FANK1: variants seen among roughly 807,000 people sequenced by gnomAD.
FANK1 encodes the protein fibronectin type III and ankyrin repeat domains 1, also known as fibronectin type 3 and ankyrin repeat domains protein 1.
A neutral mutation model predicts 45.3 loss-of-function variants in FANK1; 44 were observed. That is an observed-to-expected ratio of 0.97 (90% CI 0.76 to 1.25). FANK1 has a LOEUF of 1.25. Among genes scored for constraint, FANK1 ranks in the 50% most tolerant of loss-of-function variants. The pLI, the probability that FANK1 is intolerant of heterozygous loss-of-function variation, is 0.00. For missense variants in FANK1, 391 were observed against 424.4 expected, an observed-to-expected ratio of 0.92 and a Z score of 0.69; for synonymous variants, 149 against 152.5, an observed-to-expected ratio of 0.98 and a Z score of 0.17.
At chr10:125,931,671 C>T (rs566889297) in intron 1 of FANK1, among the ~76,000 whole-genome samples, 13 of 140,650 alleles carry the variant, frequency 9.2e-5, no homozygotes, top group Admixed American at 6.5e-4. Context: ...TCTATTTACT[C>T]TGCTGACTGT....
At position 125,997,416 on chromosome 10, in the gene FANK1, T is replaced by G; in HGVS notation, c.474-4T>G. ...CTAGCTACACTTAAGTTTGTTTCCT[T>G]TAGGCTTGTGAAAATCCTAGTTTCT... is the stretch of plus-strand genomic sequence containing the variant. On this transcript the variant is annotated splice_polypyrimidine_tract_variant and splice_region_variant and intron_variant, in intron 5 of 10. Transcript: ENST00000368693. 1 of 1,613,764 alleles carries G rather than the reference T, an allele frequency of 6.2e-7. No individual in the cohort carries two copies. Among genetic ancestry groups the G allele is most frequent in the Non-Finnish European group, 8.5e-7 (1 of 1,179,794 alleles).
In FANK1 at chr10:126,008,433, A is replaced by G. The variant is rs747329039; in HGVS notation, c.732A>G (p.Gly244=). The change falls in exon 8 of 11, where the codon GGA becomes GGG. Residue 244 remains glycine (G), a synonymous_variant. Transcript: ENST00000368693. ...TAGACGTCGTGGACACTGGTTCAGG[A>G]TGGACCCCACTCATGAGAGTCTCTG... ...CEVDVVDTGS[G]WTPLMRVSAV... 4.3e-6 allele frequency: 7 copies of G among 1,612,122 alleles called. No homozygotes were observed. In the South Asian group the frequency reaches 6.6e-5, roughly 15 times the overall value.
intron 2 of FANK1, chr10:125,981,024 G>T (rs1387532224): frequency 3.6e-5 from 2 of 56,322 alleles, no homozygotes; most frequent in African/African-American, 1.3e-4. Context: ...TGCTTAGTTT[G>T]TTTACCTTGT....
At chr10:125,903,379 A>T (rs1945209297) in intron 1 of FANK1, among the ~76,000 whole-genome samples, 1 of 152,196 alleles carries the variant, frequency 6.6e-6, no homozygotes, top group South Asian at 2.1e-4. Context: ...TTCTTAAGGG[A>T]GGCTGGAAGA....
chr10:125,937,190 A>G (rs1948160343), intron 1 of FANK1, among the ~76,000 whole-genome samples: 1 of 152,222 alleles, frequency 6.6e-6, no homozygotes, highest in East Asian at 1.9e-4. Flanking sequence ...TATGGTATGT[A>G]TGTGACTGAC....
At chr10:125,897,104 C>G (rs1267451546) in intron 1 of FANK1, among the ~76,000 whole-genome samples, 181 of 149,076 alleles carry the variant, frequency 1.2e-3, no homozygotes, top group African/African-American at 4.2e-3. Context: ...ATTAGAGACC[C>G]CGTCTTACTC....
intron 3 of FANK1, chr10:125,994,527 T>C (rs2134217668): frequency 4.1e-6 from 4 of 985,412 alleles, no homozygotes; most frequent in Non-Finnish European, 4.8e-6. Flanking sequence ...TGGTAGCTGC[T>C]GTACTGTCAC....
At chr10:125,969,005 G>C (rs1216803621) in intron 1 of FANK1, among the ~76,000 whole-genome samples, 18 of 152,092 alleles carry the variant, frequency 1.2e-4, no homozygotes, top group Admixed American at 1.2e-3. Flanking sequence ...ATTTGCATAA[G>C]AACTTTCTTA....
chr10:125,974,545 A>G (rs1950733838), intron 1 of FANK1, among the ~76,000 whole-genome samples: 1 of 152,192 alleles, frequency 6.6e-6, no homozygotes, highest in African/African-American at 2.4e-5. Flanking sequence ...AACATAGAAC[A>G]ATTGCATGCT....
chr10:125,945,774 C>T (rs918672604), intron 1 of FANK1, among the ~76,000 whole-genome samples: 1 of 152,240 alleles, frequency 6.6e-6, no homozygotes, highest in Non-Finnish European at 1.5e-5. Context: ...CTGCCTGCCT[C>T]TGTAGGCTCC....
At position 126,004,948 on chromosome 10, in the gene FANK1, T is replaced by A; in HGVS notation, c.604T>A (p.Ser202Thr). 1 of 1,614,186 alleles carries A rather than the reference T, an allele frequency of 6.2e-7. No individual in the cohort carries two copies. Among genetic ancestry groups the A allele is most frequent in the Non-Finnish European group, 8.5e-7 (1 of 1,180,048 alleles). Residue 202 changes from serine to threonine, a missense_variant, in exon 7 of 11, where the codon TCT becomes ACT. Ser to Thr is a moderately conservative substitution (Grantham distance 58). Transcript: ENST00000368693. ...GAAATATCTCCGAAGACATGGCGCT[T>A]CTTGGCAGGCTAGAGACCTGGGAGG... ...VVKYLRRHGASWQARDLGGCT... is the reference protein window; with the variant it reads ...VVKYLRRHGATWQARDLGGCT...
chr10:125,997,117 A>G (rs1181246316), intron 5 of FANK1, among the ~76,000 whole-genome samples: 2 of 152,208 alleles, frequency 1.3e-5, no homozygotes, highest in Non-Finnish European at 2.9e-5. Context: ...CCATTTAAGA[A>G]TACATTAAAA....
intron 7 of FANK1, among the ~76,000 whole-genome samples, chr10:126,005,311 T>C (rs1394353224): frequency 2.2e-4 from 32 of 148,598 alleles, no homozygotes; most frequent in African/African-American, 4.2e-4. Context: ...TTCTTTCTTT[T>C]TTTTTTTTTT....
intron 1 of FANK1, among the ~76,000 whole-genome samples, chr10:125,926,501 A>G (rs1475929830): frequency 2.0e-5 from 3 of 152,270 alleles, no homozygotes; most frequent in African/African-American, 7.2e-5. Flanking sequence ...TCTGTTTTTC[A>G]TCTCTGTAAC....
chr10:125,980,730 T>C (rs1951150872), intron 2 of FANK1: 1 of 183,826 alleles, frequency 5.4e-6, no homozygotes, highest in African/African-American at 2.4e-5. Flanking sequence ...ATTGTCCCCT[T>C]GTCAACTCTC....
chr10:125,933,028 C>T (rs1405565219), intron 1 of FANK1, among the ~76,000 whole-genome samples: 1 of 152,044 alleles, frequency 6.6e-6, no homozygotes, highest in Non-Finnish European at 1.5e-5. Flanking sequence ...GTTAAACCAT[C>T]CCTGCATCCC....
intron 3 of FANK1, among the ~76,000 whole-genome samples, chr10:125,990,183 T>G (rs1951832486): frequency 6.6e-6 from 1 of 152,220 alleles, no homozygotes; most frequent in African/African-American, 2.4e-5. Context: ...AGTATTTGTC[T>G]ACCTTTTGGT....
At chr10:125,918,747 CAGATG>C (rs892569856) in intron 1 of FANK1, among the ~76,000 whole-genome samples, 5 of 151,302 alleles carry the variant, frequency 3.3e-5, no homozygotes, top group African/African-American at 1.2e-4. Context: ...TCCTGGTTCA[CAGATG>C]AGGAAACTGA....
At chr10:125,919,195 ATTTTT>A (rs142716284) in intron 1 of FANK1, among the ~76,000 whole-genome samples, 74 of 51,878 alleles carry the variant, frequency 1.4e-3, no homozygotes, top group Middle Eastern at 0.019. Flanking sequence ...GGAGGTAAGA[ATTTTT>A]TTTTTTTTTT....
Sources: gnomAD v4.1 joint callset for allele counts (sites outside exome capture counted in the v4.1 genomes callset) on GRCh38, gnomAD v4.1.1 for gene constraint, MANE v1.5 for transcripts, NCBI Gene and HGNC (gene_info 2026-07-23, HGNC 2026-07-21) for gene names.